The following ITPKC variants were observed in gnomAD, a reference collection of about 807,000 sequenced individuals.
ITPKC encodes inositol-trisphosphate 3-kinase C, also known as IP3 3-kinase C.
ITPKC carries 33 observed loss-of-function variants against 67.1 expected under a neutral mutation model. The observed-to-expected ratio is 0.49, with a 90% CI of 0.37 to 0.66. The LOEUF (loss-of-function observed/expected upper bound fraction) is 0.66. ITPKC is among the 30% of genes least tolerant of loss of function. The pLI is 0.00. For synonymous variants in ITPKC, 341 were observed against 359.8 expected (o/e 0.95, Z 0.59); for missense variants, 820 against 892.1 (o/e 0.92, Z 1.03).
rs1349708181 is a variant in ITPKC, at chr19:40,729,191, A to G, written c.1256-11A>G. Reference sequence around the variant, plus strand: ...AGTTCCTGATCCTCTCATTTATTCTACCACCTTTAGGGAACTTCCAGGCAG... The same window carrying G: ...AGTTCCTGATCCTCTCATTTATTCTGCCACCTTTAGGGAACTTCCAGGCAG... On this transcript the variant is annotated splice_polypyrimidine_tract_variant and intron_variant, in intron 2 of 6. Transcript: ENST00000263370. 1.9e-6 allele frequency: 3 copies of G among 1,610,352 alleles called. No individual in the cohort carries two copies. The highest frequency in any genetic ancestry group is 1.3e-5 in the African/African-American group (1 of 74,784).
At position 40,717,485 on chromosome 19, in the gene ITPKC, G is replaced by A. The variant is rs2082195920; in HGVS notation, c.350G>A (p.Arg117Lys). The stretch of plus-strand genomic sequence containing the variant: ...CCCAAGCAAAAGACGGAGCCAGACA[G>A]GTCCAGCCTCCGGACGCATCTAGAA... ...ERPKQKTEPD[R>K]SSLRTHLEWS... The change falls in exon 1 of 7, where the codon AGG becomes AAG. Residue 117 changes from arginine (R) to lysine (K), a missense_variant. Arg to Lys is a conservative substitution (Grantham distance 26). Coordinates refer to ENST00000263370, the MANE Select transcript of ITPKC (RefSeq NM_025194.3). 6.2e-7 allele frequency: 1 copy of A among 1,614,170 alleles called. No individual in the cohort carries two copies.
intron 1 of ITPKC, among the ~76,000 whole-genome samples, 168 bp from the exon 2 acceptor site, chr19:40,725,172 G>A (rs1568448839): frequency 6.6e-6 from 1 of 152,036 alleles, no homozygotes; most frequent in Non-Finnish European, 1.5e-5. Context: ...TGTGATTGCC[G>A]AACTAAGTGG....
intron 3 of ITPKC, 53 bp downstream of exon 3, chr19:40,729,468 T>C (rs2082260850): frequency 6.6e-7 from 1 of 1,512,748 alleles, no homozygotes; most frequent in African/African-American, 1.4e-5. Context: ...GTGGGCATTA[T>C]TGAAAATATT....
In ITPKC at chr19:40,740,677, C is replaced by G. The variant is rs2082325021; in HGVS notation, c.*1117C>G. On this transcript the variant is annotated 3_prime_UTR_variant, in exon 7 of 7. Transcript: ENST00000263370. ...GACAGGCACCTACCTCTTCCTTAAG[C>G]TGAAGCTCCCACACTGTCTTCCAGG... The G allele has an allele frequency of 6.3e-6, 2 of 318,358 alleles. No individual in the cohort carries two copies. The highest frequency in any genetic ancestry group is 4.3e-5 in the African/African-American group (2 of 46,846). The allele number at this position is 318,358 out of a possible 1,614,324, so 19.7% of individuals were successfully genotyped here.
chr19:40,731,830 A>G (rs1260718465), intron 3 of ITPKC, among the ~76,000 whole-genome samples: 1 of 152,062 alleles, frequency 6.6e-6, no homozygotes, highest in Non-Finnish European at 1.5e-5. Flanking sequence ...CACAGTCAGG[A>G]AGGTGGGGAA....
At position 40,737,069 on chromosome 19, in the gene ITPKC, T is replaced by C. The variant is rs768110900; in HGVS notation, c.1758T>C (p.Asp586=). The stretch of plus-strand genomic sequence containing the variant: ...CAAAAGTGCTGGAGGACTTCGTGGA[T>C]GGAGACCACGTCATCCTGGTGAGTG... ...QVTKVLEDFV[D]GDHVILQKYV... is the part of the protein sequence containing the mutation. The change falls in exon 5 of 7, where the codon GAT becomes GAC. Residue 586 remains aspartate, a synonymous_variant. Transcript: ENST00000263370. 2 of 1,578,728 alleles carry C rather than the reference T, an allele frequency of 1.3e-6. No homozygotes were observed. Among genetic ancestry groups the C allele is most frequent in the Non-Finnish European group, 1.7e-6 (2 of 1,159,258 alleles).
intron 6 of ITPKC, among the ~76,000 whole-genome samples, chr19:40,738,171 G>A (rs911453132): frequency 2.0e-5 from 3 of 152,118 alleles, no homozygotes; most frequent in Non-Finnish European, 4.4e-5. Flanking sequence ...GCTCATGCCT[G>A]TAATCCCAGC....
intron 1 of ITPKC, 87 bp from the exon 2 acceptor site, chr19:40,725,253 C>G: frequency 1.3e-6 from 1 of 796,984 alleles, no homozygotes; most frequent in Non-Finnish European, 2.2e-6. Flanking sequence ...GACTGCAGGT[C>G]CCCTTTCGTT....
chr19:40,735,427 A>G (rs2082290250), intron 4 of ITPKC, among the ~76,000 whole-genome samples: 1 of 151,412 alleles, frequency 6.6e-6, no homozygotes, highest in South Asian at 2.1e-4. Context: ...TGCAGCCTCA[A>G]TCTCCTAAAC....
chr19:40,733,004 AACTC>A (rs2082278751), intron 3 of ITPKC, among the ~76,000 whole-genome samples, 152 bp from the exon 4 acceptor site: 1 of 152,218 alleles, frequency 6.6e-6, no homozygotes, highest in African/African-American at 2.4e-5. Context: ...ATAACTGCAC[AACTC>A]TACGTGTGTG....
At position 40,733,275 on chromosome 19, in the gene ITPKC, CA is replaced by C. The variant is rs1160061598; in HGVS notation, c.1586del (p.Gln529ArgfsTer16). On this transcript the variant is annotated frameshift_variant, in exon 4 of 7. Coordinates refer to ENST00000263370, the MANE Select transcript of ITPKC (RefSeq NM_025194.3). LOFTEE classifies it high-confidence loss of function. ...PGAPTPEEHA[Q>X]GAVTKPRYMQ... ...GGCCCCTACCCCTGAGGAGCATGCC[CA>C]GGGTGCAGTCACCAAGCCCCGCTAC... 9 of 1,614,010 alleles carry C rather than the reference CA, an allele frequency of 5.6e-6. No homozygotes were observed. Among genetic ancestry groups the C allele is most frequent in the Non-Finnish European group, 7.6e-6 (9 of 1,179,994 alleles).
chr19:40,720,899 C>T (rs762536114), intron 1 of ITPKC, among the ~76,000 whole-genome samples: 57 of 152,002 alleles, frequency 3.7e-4, no homozygotes, highest in Non-Finnish European at 6.3e-4. Context: ...TCCTTCCTTC[C>T]TTCTCACCAT....
At chr19:40,721,542 T>C (rs1341930152) in intron 1 of ITPKC, among the ~76,000 whole-genome samples, 1 of 151,962 alleles carries the variant, frequency 6.6e-6, no homozygotes, top group Non-Finnish European at 1.5e-5. Context: ...GGCTAATTTT[T>C]TTTTTTAGTA....
chr19:40,720,120 C>G (rs187572283), intron 1 of ITPKC, among the ~76,000 whole-genome samples: 12 of 152,112 alleles, frequency 7.9e-5, no homozygotes, highest in African/African-American at 2.6e-4. Flanking sequence ...AATCCCAGCA[C>G]TTTGGGAGGC....
chr19:40,718,882 C>T (rs906439993), intron 1 of ITPKC, among the ~76,000 whole-genome samples: 3 of 152,170 alleles, frequency 2.0e-5, no homozygotes, highest in Non-Finnish European at 4.4e-5. Flanking sequence ...TAGCCGGGAG[C>T]CCACCTGGTC....
intron 6 of ITPKC, 147 bp downstream of exon 6, chr19:40,737,916 T>G: frequency 1.8e-6 from 1 of 565,940 alleles, no homozygotes; most frequent in Non-Finnish European, 3.1e-6. Flanking sequence ...TTTGGGAGGC[T>G]GAGGTGGGAG....
rs2082322661 is a variant in ITPKC at position 40,740,534 on chromosome 19, G to C, written c.*974G>C. 4.7e-6 allele frequency: 1 copy of C among 211,090 alleles called. No homozygotes were observed. The highest frequency in any genetic ancestry group is 1.9e-4 in the South Asian group (1 of 5,330). 13.1% of individuals were successfully genotyped at this position (211,090 alleles called of 1,614,324 possible). On this transcript the variant is annotated 3_prime_UTR_variant, in exon 7 of 7. Transcript: ENST00000263370. ...AGGCGCAGGGTGGGTGGGGCTGCCAGCCAGGACCCTGGCCTGCAGCCTGAT... is the reference window on the plus strand; with the variant it reads ...AGGCGCAGGGTGGGTGGGGCTGCCACCCAGGACCCTGGCCTGCAGCCTGAT...
chr19:40,726,972 G>A (rs1015924800), intron 2 of ITPKC, among the ~76,000 whole-genome samples: 3 of 152,090 alleles, frequency 2.0e-5, no homozygotes, highest in African/African-American at 7.2e-5. Context: ...AGTCCAGGAG[G>A]TCTGGGATGC....
chr19:40,724,040 G>A (rs1208523831), intron 1 of ITPKC, among the ~76,000 whole-genome samples: 1 of 152,126 alleles, frequency 6.6e-6, no homozygotes, highest in Non-Finnish European at 1.5e-5. Context: ...CCCCCACTGG[G>A]GAACAAACGT....
Sources: allele counts gnomAD v4.1 joint callset (sites outside exome capture counted in the v4.1 genomes callset), GRCh38; gene constraint gnomAD v4.1.1; transcripts MANE v1.5; gene names NCBI Gene and HGNC (gene_info 2026-07-23, HGNC 2026-07-21).